Variants in KMT2C observed in about 807,000 individuals in gnomAD.
KMT2C encodes the protein lysine methyltransferase 2C.
Under a neutral mutation model 507.9 loss-of-function variants are expected in KMT2C, and 88 were observed. The ratio of observed to expected loss-of-function variants is 0.17; its 90% CI spans 0.15 to 0.21. KMT2C has a LOEUF of 0.21. KMT2C is among the 10% of genes least tolerant of loss of function. KMT2C has a pLI of 1.00. For synonymous variants in KMT2C, 2,049 were observed against 2,080.8 expected (o/e 0.98, Z 0.42); for missense variants, 4,954 against 5,957.8 (o/e 0.83, Z 5.55).
Position 152,144,290 on chromosome 7 carries a change from A to C in KMT2C, c.14343+423T>G, listed in dbSNP as rs1159568783. ...GTAAGATAGTCCACAGTCTACCAAA[A>C]AACATGCACTGATTTCATGAAACGG... On this transcript the variant is annotated intron_variant, in intron 55 of 58. Transcript: ENST00000262189. The surrounding 1 kb of genome is among the most constrained non-coding windows in gnomAD (Gnocchi z 4.4). Among the ~76,000 whole-genome samples, 1 of 152,232 alleles carries C rather than the reference A, an allele frequency of 6.6e-6. No individual in the cohort carries two copies. Among genetic ancestry groups the C allele is most frequent in the African/African-American group, 2.4e-5 (1 of 41,464 alleles).
intron 13 of KMT2C, among the ~76,000 whole-genome samples, chr7:152,249,488 T>C (rs1033568094): frequency 6.6e-6 from 1 of 151,740 alleles, no homozygotes; most frequent in Admixed American, 6.6e-5. Context: ...CATCCCCAGA[T>C]ACTTTTTTTA....
At chr7:152,272,977 T>C (rs375777575) in intron 7 of KMT2C, among the ~76,000 whole-genome samples, 5 of 152,048 alleles carry the variant, frequency 3.3e-5, no homozygotes, top group South Asian at 2.1e-4. Context: ...CATAATGAGA[T>C]TGGAAATTCA....
chr7:152,171,182 C>G, intron 40 of KMT2C, 82 bp downstream of exon 40: 1 of 867,592 alleles, frequency 1.2e-6, no homozygotes, highest in Non-Finnish European at 1.8e-6. Context: ...TACTCTCTAG[C>G]AGGGGACTTA....
At chr7:152,361,796 A>G (rs1289721524) in intron 1 of KMT2C, among the ~76,000 whole-genome samples, 2 of 152,242 alleles carry the variant, frequency 1.3e-5, no homozygotes, top group East Asian at 1.9e-4. Flanking sequence ...CTTGGATAAC[A>G]TAAGAGAACT....
chr7:152,239,176 C>T (rs1298802277), intron 14 of KMT2C: 1 of 189,398 alleles, frequency 5.3e-6, no homozygotes, highest in Non-Finnish European at 1.1e-5. Flanking sequence ...AGAATTAACA[C>T]TAGAAGAAAG....
chr7:152,262,978 A>G (rs2095804819), intron 9 of KMT2C, 38 bp downstream of exon 9: 2 of 1,464,324 alleles, frequency 1.4e-6, no homozygotes, highest in Admixed American at 1.8e-5. Flanking sequence ...TATAAAACAT[A>G]GAGAGGATTT....
At chr7:152,195,538 G>A (rs1426184128) in intron 28 of KMT2C, 2 of 985,010 alleles carry the variant, frequency 2.0e-6, no homozygotes, top group Admixed American at 1.2e-4. Flanking sequence ...GAAAAGGTGA[G>A]CTCTCAACCT....
intron 31 of KMT2C, among the ~76,000 whole-genome samples, chr7:152,189,097 C>G (rs1353487572): frequency 6.6e-6 from 1 of 152,156 alleles, no homozygotes; most frequent in African/African-American, 2.4e-5. Context: ...ACATCAAATA[C>G]CTTATCGTTT....
intron 41 of KMT2C, among the ~76,000 whole-genome samples, chr7:152,168,910 T>C (rs766283305): frequency 1.3e-5 from 2 of 152,218 alleles, no homozygotes; most frequent in Non-Finnish European, 2.9e-5. Flanking sequence ...CCAATCTGTA[T>C]ACAAAAACAG....
In KMT2C at chr7:152,194,554, T is replaced by C. The variant is rs1383716454; in HGVS notation, c.4393A>G (p.Thr1465Ala). Residue 1465 changes from threonine to alanine, a missense_variant, in exon 29 of 59, where the codon ACT becomes GCT. By Grantham distance (58) the Thr-to-Ala change is moderately conservative. Around this residue, in one of 29 missense-constraint regions of KMT2C, gnomAD observed 140 missense variants for 118.4 expected, o/e 1.18. Coordinates refer to ENST00000262189, the MANE Select transcript of KMT2C (RefSeq NM_170606.3). ...SVDHSDIGPV[T>A]DDPSSLPQPN... is the part of the protein sequence containing the mutation. ...TGAGGCAAAGAGGAAGGATCATCAG[T>C]GACAGGACCAATATCTACAAGAGTA... is the stretch of plus-strand genomic sequence containing the variant. The C allele has an allele frequency of 6.2e-7, 1 of 1,612,696 alleles. No homozygotes were observed.
Position 152,183,085 on chromosome 7 carries a change from C to T in KMT2C, c.5154G>A (p.Arg1718=), listed in dbSNP as rs746717777. ...KVQMSNDSMK[R]QQQQDSIDPS... is the part of the protein sequence containing the mutation. ...GATCAATGCTATCTTGCTGTTGCTGCCTTTTCATGGAATCATTTGACATCT... is the reference window on the plus strand; with the variant it reads ...GATCAATGCTATCTTGCTGTTGCTGTCTTTTCATGGAATCATTTGACATCT... Residue 1718 remains arginine, a synonymous_variant, in exon 35 of 59, where the codon AGG becomes AGA. Transcript: ENST00000262189. 8 of 1,612,884 alleles carry T rather than the reference C, an allele frequency of 5.0e-6. No individual in the cohort carries two copies. Among genetic ancestry groups the T allele is most frequent in the Non-Finnish European group, 6.8e-6 (8 of 1,179,450 alleles).
intron 6 of KMT2C, among the ~76,000 whole-genome samples, chr7:152,277,780 T>A (rs914553653): frequency 1.3e-5 from 2 of 152,172 alleles, no homozygotes; most frequent in Non-Finnish European, 2.9e-5. Flanking sequence ...AAAAAAATCA[T>A]TATTTTTCTA....
At position 152,315,466 on chromosome 7, in the gene KMT2C, T is replaced by C. The variant is rs2096713717; in HGVS notation, c.390-128A>G. 2.3e-5 allele frequency: 15 copies of C among 647,286 alleles called. No homozygotes were observed. The East Asian group carries it at 4.1e-4, about 18-fold the overall frequency. The allele number at this position is 647,286 out of a possible 1,614,324, so 40.1% of individuals were successfully genotyped here. ...CACAAGCTAAGCTTTTCAATCTATTTTCTACAGTCTATTCAGTGATTACCC... is the reference window on the plus strand; with the variant it reads ...CACAAGCTAAGCTTTTCAATCTATTCTCTACAGTCTATTCAGTGATTACCC... On this transcript the variant is annotated intron_variant, in intron 3 of 58. Coordinates refer to ENST00000262189, the MANE Select transcript of KMT2C (RefSeq NM_170606.3).
intron 9 of KMT2C, among the ~76,000 whole-genome samples, chr7:152,257,139 T>C (rs983701228): frequency 5.3e-5 from 8 of 152,144 alleles, no homozygotes; most frequent in East Asian, 1.9e-4. Context: ...GAGTAACCCA[T>C]AGCACAGATA....
chr7:152,320,138 A>G (rs766743875), intron 3 of KMT2C, among the ~76,000 whole-genome samples: 40 of 152,142 alleles, frequency 2.6e-4, no homozygotes, highest in Non-Finnish European at 5.4e-4. Context: ...GGACCCTACA[A>G]ATTTCATGTT....
intron 23 of KMT2C, among the ~76,000 whole-genome samples, chr7:152,209,140 C>A (rs2129139593): frequency 7.4e-6 from 1 of 135,796 alleles, no homozygotes; most frequent in East Asian, 2.2e-4. Flanking sequence ...GCCTGAGCAG[C>A]AAGAGTGAAA....
chr7:152,309,509 T>G (rs1325597111), intron 6 of KMT2C, among the ~76,000 whole-genome samples: 3 of 95,846 alleles, frequency 3.1e-5, no homozygotes, highest in Admixed American at 2.0e-4. Flanking sequence ...TAAAATAACT[T>G]TTTTTTTTTT....
intron 5 of KMT2C, among the ~76,000 whole-genome samples, chr7:152,310,900 G>A (rs989556820): frequency 2.0e-5 from 3 of 151,824 alleles, no homozygotes; most frequent in Non-Finnish European, 4.4e-5. Context: ...TGCCCAGTCT[G>A]GTCTTGAACT....
At chr7:152,427,344 C>T (rs2097828839) in intron 1 of KMT2C, among the ~76,000 whole-genome samples, 1 of 152,116 alleles carries the variant, frequency 6.6e-6, no homozygotes, top group African/African-American at 2.4e-5. Context: ...ATGTATTCTT[C>T]CCAATCTTTT....
Sources: allele counts gnomAD v4.1 joint callset (sites outside exome capture counted in the v4.1 genomes callset), GRCh38; gene constraint gnomAD v4.1.1; regional missense constraint gnomAD v4.1.1; non-coding constraint Gnocchi (gnomAD v3.1); transcripts MANE v1.5; gene names NCBI Gene and HGNC (gene_info 2026-07-23, HGNC 2026-07-21).